PPP3CA: variants seen among roughly 807,000 people sequenced by gnomAD.
PPP3CA encodes the protein CAM-PRP catalytic subunit.
In PPP3CA, 14 loss-of-function variants were observed where a neutral mutation model predicts 66.5. The observed-to-expected ratio is 0.21, with a 90% confidence interval of 0.14 to 0.33. The LOEUF (loss-of-function observed/expected upper bound fraction) is 0.33, where lower values mean the gene tolerates loss of function less well. Ranked by LOEUF, PPP3CA falls within the 10% of genes least tolerant of loss-of-function variation. PPP3CA has a pLI of 1.00. For synonymous variants in PPP3CA, 232 were observed against 226.2 expected (o/e 1.03, Z -0.23); for missense variants, 317 against 639.5 (o/e 0.50, Z 5.44).
At chr4:101,068,254 T>C (rs1400334014) in intron 8 of PPP3CA, among the ~76,000 whole-genome samples, 2 of 152,060 alleles carry the variant, frequency 1.3e-5, no homozygotes, top group Non-Finnish European at 1.5e-5. Context: ...AAAGCACAAA[T>C]AAATTGCATA....
intron 2 of PPP3CA, among the ~76,000 whole-genome samples, chr4:101,169,216 C>A (rs1429856231): frequency 6.6e-6 from 1 of 152,144 alleles, no homozygotes; most frequent in Non-Finnish European, 1.5e-5. Flanking sequence ...CATGTATAGG[C>A]AATTTAGGAA....
intron 13 of PPP3CA, among the ~76,000 whole-genome samples, chr4:101,026,463 T>G (rs1402968930): frequency 6.6e-6 from 1 of 152,168 alleles, no homozygotes; most frequent in African/African-American, 2.4e-5. Flanking sequence ...AGCATGTCCC[T>G]CTTTGTATTC....
Position 101,269,965 on chromosome 4 carries a change from C to T in PPP3CA, c.59-73849G>A, listed in dbSNP as rs1018102944. 5.3e-5 allele frequency among the ~76,000 whole-genome samples: 8 copies of T among 152,128 alleles called. No homozygotes were observed. In the East Asian group the frequency reaches 1.4e-3, roughly 26 times the overall value. Reference sequence around the variant, plus strand: ...AACCTCTGTGGCATACAGCTGGCTGCTGAGGATTTCATTAAATGTTAGAAG... The same window carrying T: ...AACCTCTGTGGCATACAGCTGGCTGTTGAGGATTTCATTAAATGTTAGAAG... On this transcript the variant is annotated intron_variant, in intron 1 of 13. Coordinates refer to ENST00000394854, the MANE Select transcript of PPP3CA (RefSeq NM_000944.5).
At position 101,295,258 on chromosome 4, in the gene PPP3CA, G is replaced by A. The variant is rs1026616040; in HGVS notation, c.58+51481C>T. Among the ~76,000 whole-genome samples, 13 of 139,390 alleles carry A rather than the reference G, an allele frequency of 9.3e-5. No individual in the cohort carries two copies. The East Asian group carries it at 1.3e-3, about 14-fold the overall frequency. 91.4% of individuals were successfully genotyped at this position (139,390 alleles called of 152,430 possible). On this transcript the variant is annotated intron_variant, in intron 1 of 13. Coordinates refer to ENST00000394854, the MANE Select transcript of PPP3CA (RefSeq NM_000944.5). The stretch of plus-strand genomic sequence containing the variant: ...GGAGCTTGCAGTGAGCCGAGATTGC[G>A]CCACTGCAGTCCGCAGTCCGGCCTG...
At chr4:101,144,729 T>C (rs1269325332) in intron 2 of PPP3CA, among the ~76,000 whole-genome samples, 1 of 152,202 alleles carries the variant, frequency 6.6e-6, no homozygotes, top group African/African-American at 2.4e-5. Context: ...CAAACATTTC[T>C]GAGCTAAATA....
In PPP3CA at chr4:101,331,535, C is replaced by T. The variant is rs545363661; in HGVS notation, c.58+15204G>A. Among the ~76,000 whole-genome samples the T allele has an allele frequency of 1.4e-4, 22 of 152,172 alleles. No individual in the cohort carries two copies. In the East Asian group the frequency reaches 4.3e-3, roughly 29 times the overall value. On this transcript the variant is annotated intron_variant, in intron 1 of 13. Coordinates refer to ENST00000394854, the MANE Select transcript of PPP3CA (RefSeq NM_000944.5). ...AAAAAATGTTGCCAACATTTGTGAT[C>T]CATCGTGCGTACAACAGACAAGTAG...
chr4:101,160,877 T>C (rs1312455798), intron 2 of PPP3CA, among the ~76,000 whole-genome samples: 1 of 152,112 alleles, frequency 6.6e-6, no homozygotes, highest in Non-Finnish European at 1.5e-5. Flanking sequence ...TCTGCTAATA[T>C]CAAGACAAAA....
chr4:101,173,905 A>C (rs1723966514), intron 2 of PPP3CA, among the ~76,000 whole-genome samples: 1 of 152,126 alleles, frequency 6.6e-6, no homozygotes, highest in Non-Finnish European at 1.5e-5. Flanking sequence ...TTTAAAAATT[A>C]GCTGGGAATG....
At chr4:101,308,516 G>C (rs1728617324) in intron 1 of PPP3CA, among the ~76,000 whole-genome samples, 1 of 152,042 alleles carries the variant, frequency 6.6e-6, no homozygotes, top group African/African-American at 2.4e-5. Context: ...CATGATCATA[G>C]CTCTCTGCAG....
intron 10 of PPP3CA, among the ~76,000 whole-genome samples, chr4:101,048,941 T>A (rs928042501): frequency 2.6e-5 from 4 of 152,118 alleles, no homozygotes; most frequent in African/African-American, 9.7e-5. Context: ...GTAATGGATT[T>A]TAAGGGTGTA....
chr4:101,047,857 T>C (rs751893354), intron 10 of PPP3CA, among the ~76,000 whole-genome samples: 3 of 152,094 alleles, frequency 2.0e-5, no homozygotes, highest in African/African-American at 4.8e-5. Flanking sequence ...ATAAATAATA[T>C]AATTATTATT....
Position 101,346,885 on chromosome 4 carries a change from G to A in PPP3CA, c.-89C>T. The A allele has an allele frequency of 7.2e-7, 1 of 1,387,406 alleles. No individual in the cohort carries two copies. The highest frequency in any genetic ancestry group is 9.9e-7 in the Non-Finnish European group (1 of 1,007,016). The allele number at this position is 1,387,406 out of a possible 1,614,324, so 85.9% of individuals were successfully genotyped here. ...GGCGGGCCAGACACTCAACGCCGCC[G>A]CCGCCGCCGCCGCCGCCGCGCTGCA... On this transcript the variant is annotated 5_prime_UTR_variant, in exon 1 of 14. Transcript: ENST00000394854.
At chr4:101,226,842 T>C (rs2110219247) in intron 1 of PPP3CA, among the ~76,000 whole-genome samples, 1 of 151,878 alleles carries the variant, frequency 6.6e-6, no homozygotes, top group South Asian at 2.1e-4. Context: ...ATATAAATGC[T>C]TGAAGAATAC....
intron 1 of PPP3CA, among the ~76,000 whole-genome samples, chr4:101,273,203 T>A (rs1328727098): frequency 2.0e-5 from 3 of 152,204 alleles, no homozygotes; most frequent in African/African-American, 7.2e-5. Context: ...AACTTCCCAA[T>A]ACCTGTACCA....
chr4:101,214,888 T>C (rs1725410071), intron 1 of PPP3CA, among the ~76,000 whole-genome samples: 1 of 152,108 alleles, frequency 6.6e-6, no homozygotes, highest in Admixed American at 6.6e-5. Flanking sequence ...GCGAGGTCAA[T>C]TTTCCTCCTA....
intron 1 of PPP3CA, among the ~76,000 whole-genome samples, chr4:101,259,416 C>T (rs576780825): frequency 5.9e-5 from 9 of 152,170 alleles, no homozygotes; most frequent in African/African-American, 1.4e-4. Context: ...CCAAGGAGAT[C>T]GATAAATCCC....
intron 2 of PPP3CA, among the ~76,000 whole-genome samples, chr4:101,124,918 C>T (rs938628343): frequency 6.6e-6 from 1 of 152,182 alleles, no homozygotes; most frequent in Non-Finnish European, 1.5e-5. Flanking sequence ...TCACAGGTTA[C>T]TGAATTATTA....
intron 2 of PPP3CA, among the ~76,000 whole-genome samples, chr4:101,144,921 T>C (rs138499444): frequency 6.6e-6 from 1 of 152,338 alleles, no homozygotes; most frequent in East Asian, 1.9e-4. Flanking sequence ...CTAATCAAGC[T>C]TAGAAATATA....
At chr4:101,214,262 A>G (rs1260842365) in intron 1 of PPP3CA, among the ~76,000 whole-genome samples, 1 of 149,052 alleles carries the variant, frequency 6.7e-6, no homozygotes, top group Non-Finnish European at 1.5e-5. Context: ...CAGTTGGGTA[A>G]TTTATTTAAT....
Sources: allele counts gnomAD v4.1 joint callset (sites outside exome capture counted in the v4.1 genomes callset), GRCh38; gene constraint gnomAD v4.1.1; transcripts MANE v1.5; gene names NCBI Gene and HGNC (gene_info 2026-07-23, HGNC 2026-07-21).